TLN2: variants seen among roughly 807,000 people sequenced by gnomAD.
TLN2 encodes the protein talin-2.
A neutral mutation model predicts 294.7 loss-of-function variants in TLN2; 118 were observed. That is an observed-to-expected ratio of 0.40 (90% CI 0.34 to 0.47). The LOEUF is 0.47. TLN2 is among the 20% of genes least tolerant of loss of function. The probability of loss-of-function intolerance (pLI) is 0.84; values close to 1 mark genes in which losing one functional copy is unlikely to be tolerated. For missense variants in TLN2, 3,083 were observed against 3,282.2 expected, an observed-to-expected ratio of 0.94 and a Z score of 1.48; for synonymous variants, 1,431 against 1,304.5, an observed-to-expected ratio of 1.10 and a Z score of -2.09.
chr15:62,714,449 G>T (rs1485636803), intron 22 of TLN2, among the ~76,000 whole-genome samples: 1 of 151,904 alleles, frequency 6.6e-6, no homozygotes, highest in Non-Finnish European at 1.5e-5. Flanking sequence ...TGATCCACCC[G>T]CCTCGGCCTC....
intron 55 of TLN2, chr15:62,834,260 CAT>C (rs1303668635): frequency 6.6e-6 from 1 of 152,130 alleles, no homozygotes; most frequent in African/African-American, 2.4e-5. Context: ...TAACATGTTC[CAT>C]ATGTCTTGTT....
intron 1 of TLN2, among the ~76,000 whole-genome samples, chr15:62,523,061 G>A (rs1051961045): frequency 6.6e-6 from 1 of 151,788 alleles, no homozygotes; most frequent in Admixed American, 6.6e-5. Context: ...GTCCTCAAAG[G>A]TTATCTATAG....
At chr15:62,453,921 C>T (rs896757311) in intron 1 of TLN2, among the ~76,000 whole-genome samples, 3 of 152,128 alleles carry the variant, frequency 2.0e-5, no homozygotes, top group African/African-American at 2.4e-5. Flanking sequence ...CTGCAGCTGC[C>T]GGTGGGTAGG....
chr15:62,767,837 A>G (rs1187165447), intron 41 of TLN2, among the ~76,000 whole-genome samples: 1 of 152,214 alleles, frequency 6.6e-6, no homozygotes, highest in Non-Finnish European at 1.5e-5. Context: ...AACTTTTGTA[A>G]TAGAATATTT....
intron 3 of TLN2, among the ~76,000 whole-genome samples, chr15:62,644,160 C>T (rs571240993): frequency 1.3e-5 from 2 of 149,036 alleles, no homozygotes; most frequent in African/African-American, 5.0e-5. Context: ...CGCCACCCAC[C>T]GCCCCGCCCC....
At chr15:62,421,939 G>C (rs574046562) in intron 1 of TLN2, among the ~76,000 whole-genome samples, 1 of 152,180 alleles carries the variant, frequency 6.6e-6, no homozygotes, top group East Asian at 1.9e-4. Flanking sequence ...CATTGGATAA[G>C]ATTTTAGGGA....
chr15:62,702,779 T>C lies in TLN2; in HGVS notation c.1919T>C (p.Val640Ala), dbSNP rs1421650450. The C allele has an allele frequency of 6.2e-7, 1 of 1,614,016 alleles. No homozygotes were observed. Among genetic ancestry groups the C allele is most frequent in the Non-Finnish European group, 8.5e-7 (1 of 1,179,994 alleles). The change falls in exon 19 of 59, where the codon GTT (valine) becomes GCT (alanine). Residue 640 changes from valine to alanine, a missense_variant. Val to Ala is a moderately conservative substitution (Grantham distance 64, BLOSUM62 0). Transcript: ENST00000636159. Reference protein sequence around the residue: ...QPTSGEPRQTVLTAAGSIGQA... With the variant: ...QPTSGEPRQTALTAAGSIGQA... The stretch of plus-strand genomic sequence containing the variant: ...GTTTGTTCACAGCCTCGACAGACAG[T>C]TTTGACTGCTGCTGGCAGCATCGGA...
intron 7 of TLN2, among the ~76,000 whole-genome samples, chr15:62,654,746 C>T (rs1248896428): frequency 9.3e-6 from 1 of 107,230 alleles, no homozygotes; most frequent in African/African-American, 4.0e-5. Context: ...CAGAGCGTGA[C>T]TCTGCCTCAA....
At chr15:62,532,686 T>C (rs796340364) in intron 1 of TLN2, among the ~76,000 whole-genome samples, 3 of 152,264 alleles carry the variant, frequency 2.0e-5, no homozygotes, top group African/African-American at 7.2e-5. Flanking sequence ...CCTCTCTGTT[T>C]GTTTGGTTTT....
At chr15:62,781,871 T>C (rs1595973300) in intron 44 of TLN2, among the ~76,000 whole-genome samples, 1 of 152,190 alleles carries the variant, frequency 6.6e-6, no homozygotes, top group Admixed American at 6.5e-5. Flanking sequence ...CAACTAGAAC[T>C]GTATTATATA....
intron 9 of TLN2, among the ~76,000 whole-genome samples, chr15:62,668,112 T>C (rs2054941422): frequency 6.6e-6 from 1 of 152,110 alleles, no homozygotes; most frequent in African/African-American, 2.4e-5. Context: ...CATAAATAAG[T>C]CTAGAGGCCT....
chr15:62,421,652 A>G (rs1201804904), intron 1 of TLN2, among the ~76,000 whole-genome samples: 11 of 151,890 alleles, frequency 7.2e-5, no homozygotes, highest in Non-Finnish European at 1.6e-4. Flanking sequence ...TAGAGGGGAA[A>G]ACACACTCTG....
At chr15:62,417,938 G>A (rs1003209774) in intron 1 of TLN2, among the ~76,000 whole-genome samples, 3 of 152,182 alleles carry the variant, frequency 2.0e-5, no homozygotes, top group East Asian at 3.8e-4. Flanking sequence ...ACCTCTGGTC[G>A]CTTGCCCCCT....
chr15:62,602,402 T>C (rs1041661175), intron 2 of TLN2, among the ~76,000 whole-genome samples: 2 of 152,226 alleles, frequency 1.3e-5, no homozygotes, highest in Non-Finnish European at 2.9e-5. Flanking sequence ...GTTAAGTTCA[T>C]TGGTTTTTAT....
rs116157194 is a variant in TLN2 at position 62,427,697 on chromosome 15, G to A, written c.-238+37012G>A. On this transcript the variant is annotated intron_variant, in intron 1 of 58. Coordinates refer to ENST00000636159, the MANE Select transcript of TLN2 (RefSeq NM_015059.3). ...TCTGAGTCCCTGGTAACCCTGCCAT[G>A]TCTCTCTGGGGCAGTTGGCAGTTTC... Among the ~76,000 whole-genome samples the A allele has an allele frequency of 8.0e-3, 1,223 of 152,204 alleles. 17 individuals carry two copies. Among genetic ancestry groups the A allele is most frequent in the African/African-American group, 0.028 (1,159 of 41,526 alleles).
Position 62,738,158 on chromosome 15 carries a change from A to G in TLN2, c.3568-56A>G, listed in dbSNP as rs778468849. The stretch of plus-strand genomic sequence containing the variant: ...CTGCATGTTTCACTGCCCATTCCCA[A>G]CAAATGTGCAGAAATGTTTGTACTT... On this transcript the variant is annotated intron_variant, in intron 29 of 58. Coordinates refer to ENST00000636159, the MANE Select transcript of TLN2 (RefSeq NM_015059.3). The G allele has an allele frequency of 1.9e-6, 3 of 1,595,600 alleles. No homozygotes were observed. The African/African-American group carries it at 4.0e-5, about 21-fold the overall frequency.
intron 23 of TLN2, 69 bp from the exon 24 acceptor site, chr15:62,717,507 G>T: frequency 7.3e-6 from 8 of 1,103,298 alleles, no homozygotes; most frequent in Non-Finnish European, 9.8e-6. Flanking sequence ...CTCTGTGGTG[G>T]AAGTGACCTG....
chr15:62,753,333 G>T (rs747856165), intron 35 of TLN2, among the ~76,000 whole-genome samples: 18 of 152,138 alleles, frequency 1.2e-4, no homozygotes, highest in Non-Finnish European at 2.5e-4. Context: ...GACAGGGCAG[G>T]CTCCACGGTT....
chr15:62,697,891 C>A, intron 15 of TLN2, 23 bp downstream of exon 15: 1 of 1,606,758 alleles, frequency 6.2e-7, no homozygotes, highest in Non-Finnish European at 8.5e-7. Flanking sequence ...GTGCTCGTCC[C>A]CCACTCGTTA....
Sources: allele counts gnomAD v4.1 joint callset (sites outside exome capture counted in the v4.1 genomes callset), GRCh38; gene constraint gnomAD v4.1.1; transcripts MANE v1.5; gene names NCBI Gene and HGNC (gene_info 2026-07-23, HGNC 2026-07-21).